ZNF98: variants seen among roughly 807,000 people sequenced by gnomAD.
ZNF98 encodes the protein zinc finger protein 98.
Under a neutral mutation model 12.8 loss-of-function variants are expected in ZNF98, and 8 were observed. The ratio of observed to expected loss-of-function variants is 0.63; its 90% CI spans 0.37 to 1.13. ZNF98 has a LOEUF of 1.13. Among genes scored for constraint, ZNF98 ranks in the 50% most tolerant of loss-of-function variants. The pLI is 0.01. For synonymous variants in ZNF98, 112 were observed against 223.5 expected, an observed-to-expected ratio of 0.50 and a Z score of 4.45; for missense variants, 379 against 666.1, an observed-to-expected ratio of 0.57 and a Z score of 4.74.
intron 1 of ZNF98, among the ~76,000 whole-genome samples, chr19:22,420,122 C>T (rs1047961795): frequency 6.6e-6 from 1 of 152,114 alleles, no homozygotes; most frequent in African/African-American, 2.4e-5. Context: ...AAGATCGCGC[C>T]ACTGCACTCC....
intron 3 of ZNF98, among the ~76,000 whole-genome samples, chr19:22,400,293 C>T (rs1969441797): frequency 6.6e-6 from 1 of 152,136 alleles, no homozygotes; most frequent in Admixed American, 6.6e-5. Context: ...AGCCACAGTT[C>T]ATGGCAAGTT....
intron 1 of ZNF98, among the ~76,000 whole-genome samples, chr19:22,419,042 G>A (rs971931625): frequency 1.3e-5 from 2 of 152,052 alleles, no homozygotes; most frequent in African/African-American, 2.4e-5. Context: ...TGCTGAGTTC[G>A]AGGTAAAACA....
intron 3 of ZNF98, among the ~76,000 whole-genome samples, chr19:22,397,190 CTGTGTG>C (rs145928271): frequency 7.1e-6 from 1 of 140,840 alleles, no homozygotes; most frequent in African/African-American, 2.6e-5. Flanking sequence ...GTATGTACAT[CTGTGTG>C]TGTGTGTGTG....
Position 22,392,161 on chromosome 19 carries a change from G to A in ZNF98, c.1074C>T (p.Ala358=). 6.2e-7 allele frequency: 1 copy of A among 1,610,844 alleles called. No individual in the cohort carries two copies. Among genetic ancestry groups the A allele is most frequent in the South Asian group, 1.1e-5 (1 of 90,806 alleles). The part of the protein sequence containing the change: ...KFYKCEECGK[A]FSRLSHLTTH... ...TAGTAAGGTGGGATAACCGGCTAAAGGCCTTACCACATTCTTCACATTTGT... is the reference window on the plus strand; with the variant it reads ...TAGTAAGGTGGGATAACCGGCTAAAAGCCTTACCACATTCTTCACATTTGT... The change falls in exon 4 of 4, where the codon GCC becomes GCT. Residue 358 remains alanine, a synonymous_variant. Coordinates refer to ENST00000357774, the MANE Select transcript of ZNF98 (RefSeq NM_001098626.2).
intron 3 of ZNF98, among the ~76,000 whole-genome samples, chr19:22,394,684 T>C (rs1285676738): frequency 1.5e-5 from 2 of 130,070 alleles, no homozygotes; most frequent in Middle Eastern, 3.4e-3. Flanking sequence ...CGGGGCCTGT[T>C]GGGGTGTGAG....
intron 1 of ZNF98, among the ~76,000 whole-genome samples, chr19:22,415,609 C>G (rs371292725): frequency 0.042 from 1,220 of 28,770 alleles, 18 homozygotes; most frequent in African/African-American, 0.17. Context: ...CCCATCTCTA[C>G]AAAAAATACA....
Position 22,422,273 on chromosome 19 carries a change from G to A in ZNF98, c.-49C>T, listed in dbSNP as rs373112527. 5.0e-6 allele frequency: 8 copies of A among 1,605,620 alleles called. No individual in the cohort carries two copies. The highest frequency in any genetic ancestry group is 4.5e-5 in the East Asian group (2 of 44,484). ...TGCAGGTCACAGGGCCACAGAGGCT[G>A]GGCCTCTACGAGCAGAGGACACAGA... On this transcript the variant is annotated 5_prime_UTR_variant, in exon 1 of 4. Transcript: ENST00000357774.
chr19:22,420,658 G>A (rs1969693739), intron 1 of ZNF98, among the ~76,000 whole-genome samples: 1 of 151,272 alleles, frequency 6.6e-6, no homozygotes, highest in East Asian at 2.0e-4. Context: ...AACGACTTAG[G>A]AGCTGATATT....
intron 1 of ZNF98, among the ~76,000 whole-genome samples, chr19:22,407,529 T>C (rs1355244902): frequency 2.0e-5 from 3 of 148,670 alleles, no homozygotes; most frequent in South Asian, 2.1e-4. Flanking sequence ...CTGGCCAACA[T>C]GGTGAAACAC....
chr19:22,403,269 A>AC, intron 2 of ZNF98, 117 bp downstream of exon 2: 37 of 1,278,266 alleles, frequency 2.9e-5, no homozygotes, highest in South Asian at 7.5e-5. Flanking sequence ...AAAAAAAAAA[A>AC]ACAAAAAAAA....
chr19:22,397,857 A>C (rs909403009), intron 3 of ZNF98, among the ~76,000 whole-genome samples: 3 of 147,228 alleles, frequency 2.0e-5, no homozygotes. Flanking sequence ...TGTTGGAGGC[A>C]TTACAGTTCC....
chr19:22,418,541 T>C (rs994539264), intron 1 of ZNF98, among the ~76,000 whole-genome samples: 2 of 152,186 alleles, frequency 1.3e-5, no homozygotes, highest in East Asian at 3.9e-4. Flanking sequence ...ACCTATCACA[T>C]AGCCAAACAA....
Position 22,422,337 on chromosome 19 carries a change from A to T in ZNF98, c.-113T>A, listed in dbSNP as rs1304717264. ...GACCAGGAACTCCGGCTGCAGCGAG[A>T]GACAAAGACCCCGCCACATCCCGGA... On this transcript the variant is annotated 5_prime_UTR_variant, in exon 1 of 4. Transcript: ENST00000357774. The T allele has an allele frequency of 3.8e-6, 5 of 1,324,296 alleles. No individual in the cohort carries two copies. The highest frequency in any genetic ancestry group is 5.4e-6 in the Non-Finnish European group (5 of 930,464). The allele number at this position is 1,324,296 out of a possible 1,614,324, so 82.0% of individuals were successfully genotyped here. A position where few individuals can be genotyped will look rare whatever the true frequency, so the allele number is the denominator to read the frequency against.
intron 3 of ZNF98, among the ~76,000 whole-genome samples, chr19:22,398,597 T>C (rs1488818181): frequency 6.6e-6 from 1 of 152,108 alleles, no homozygotes; most frequent in African/African-American, 2.4e-5. Context: ...GGGCTCAGTC[T>C]TCCTGCCTTG....
intron 1 of ZNF98, among the ~76,000 whole-genome samples, chr19:22,421,683 C>A (rs1465141419): frequency 6.6e-6 from 1 of 152,194 alleles, no homozygotes; most frequent in Non-Finnish European, 1.5e-5. Context: ...CCTTCAAGAT[C>A]TTTTCATGGC....
intron 1 of ZNF98, among the ~76,000 whole-genome samples, chr19:22,414,232 C>CA (rs57966582): frequency 0.22 from 18,244 of 84,850 alleles, 2,216 homozygotes; most frequent in East Asian, 0.25. Flanking sequence ...GACTCCATCT[C>CA]AAAAAAAAAA....
chr19:22,400,840 C>G (rs1424483623), intron 3 of ZNF98, among the ~76,000 whole-genome samples: 3 of 147,532 alleles, frequency 2.0e-5, no homozygotes, highest in African/African-American at 7.5e-5. Context: ...GTAGTCCCAG[C>G]TACTCGGGAG....
chr19:22,393,816 A>G (rs1388648670), intron 3 of ZNF98, among the ~76,000 whole-genome samples: 1 of 152,206 alleles, frequency 6.6e-6, no homozygotes, highest in Non-Finnish European at 1.5e-5. Flanking sequence ...AATGGCAACA[A>G]AAGCCAAAAT....
At chr19:22,404,037 A>G (rs4024619) in intron 1 of ZNF98, among the ~76,000 whole-genome samples, 65,844 of 150,100 alleles carry the variant, frequency 0.44, 14,445 homozygotes, top group Non-Finnish European at 0.47. Context: ...TGGCTAACAC[A>G]GTGAAACCCT....
Sources: gnomAD v4.1 joint callset for allele counts (sites outside exome capture counted in the v4.1 genomes callset) on GRCh38, gnomAD v4.1.1 for gene constraint, MANE v1.5 for transcripts, NCBI Gene and HGNC (gene_info 2026-07-23, HGNC 2026-07-21) for gene names.